The following SLC25A48 variants were observed in gnomAD, a reference collection of about 807,000 sequenced individuals.
The protein encoded by SLC25A48 is CTC-321K16.1.
In SLC25A48, 29 loss-of-function variants were observed where a neutral mutation model predicts 32.2. The observed-to-expected ratio is 0.90, with a 90% CI of 0.67 to 1.23. The LOEUF (loss-of-function observed/expected upper bound fraction) is 1.23. Ranked by LOEUF, SLC25A48 falls within the 50% of genes most tolerant of loss-of-function variation. The probability of loss-of-function intolerance (pLI) is 0.00; values close to 1 mark genes in which losing one functional copy is unlikely to be tolerated. For synonymous variants in SLC25A48, 164 were observed against 172.3 expected, an observed-to-expected ratio of 0.95 and a Z score of 0.38; for missense variants, 399 against 422.7, an observed-to-expected ratio of 0.94 and a Z score of 0.49.
intron 1 of SLC25A48, among the ~76,000 whole-genome samples, chr5:135,595,320 G>A (rs575102455): frequency 6.6e-6 from 1 of 152,260 alleles, no homozygotes; most frequent in East Asian, 1.9e-4. Context: ...CTGGAGTTGT[G>A]GGACATGGTG....
chr5:135,868,002 G>T (rs1761336485), intron 4 of SLC25A48, among the ~76,000 whole-genome samples: 1 of 152,196 alleles, frequency 6.6e-6, no homozygotes, highest in South Asian at 2.1e-4. Context: ...CTCCCTAACT[G>T]GGCTGTAAAC....
intron 3 of SLC25A48, among the ~76,000 whole-genome samples, chr5:135,733,218 T>G (rs148504035): frequency 0.01 from 1,533 of 152,274 alleles, 34 homozygotes; most frequent in African/African-American, 0.035. Flanking sequence ...GAAGATACTA[T>G]AGCATAGCCT....
chr5:135,781,831 C>T (rs75254026), intron 3 of SLC25A48, among the ~76,000 whole-genome samples: 2,040 of 115,194 alleles, frequency 0.018, 317 homozygotes, highest in African/African-American at 0.049. Flanking sequence ...TGATATTGTT[C>T]CCAATATTTA....
At chr5:135,879,837 A>C (rs1762330069) in intron 6 of SLC25A48, 131 bp from the exon 7 acceptor site, 1 of 1,315,846 alleles carries the variant, frequency 7.6e-7, no homozygotes, top group African/African-American at 1.5e-5. Flanking sequence ...CTCTGCCTGC[A>C]CAGGTCCTTT....
At chr5:135,832,447 A>C (rs926299091), upstream of SLC25A48, among the ~76,000 whole-genome samples, 1 of 152,116 alleles carries the variant, frequency 6.6e-6, no homozygotes, top group Admixed American at 6.5e-5. Flanking sequence ...TGGCAGGTGG[A>C]CATGGGGAGG....
At chr5:135,624,927 T>C (rs1752411259) in intron 1 of SLC25A48, among the ~76,000 whole-genome samples, 1 of 152,204 alleles carries the variant, frequency 6.6e-6, no homozygotes, top group South Asian at 2.1e-4. Context: ...GGTTTCCTTC[T>C]CTGTATGTGA....
At chr5:135,733,807 G>A (rs1488085664) in intron 3 of SLC25A48, among the ~76,000 whole-genome samples, 3 of 152,166 alleles carry the variant, frequency 2.0e-5, no homozygotes. Context: ...TTAAGGAATG[G>A]AAAGGGGAGT....
chr5:135,749,685 G>A (rs557315786), intron 3 of SLC25A48, among the ~76,000 whole-genome samples: 50 of 152,110 alleles, frequency 3.3e-4, no homozygotes, highest in African/African-American at 1.2e-3. Flanking sequence ...TCTGCCTCCC[G>A]GGTTCAAGCG....
intron 3 of SLC25A48, among the ~76,000 whole-genome samples, chr5:135,780,160 C>CT (rs34277772): frequency 0.076 from 2,948 of 38,782 alleles, 516 homozygotes; most frequent in Middle Eastern, 0.13. Context: ...GTTTCTTCGT[C>CT]TTTTTTTTTT....
chr5:135,655,525 G>A (rs1459152284), intron 3 of SLC25A48, among the ~76,000 whole-genome samples: 3 of 152,140 alleles, frequency 2.0e-5, no homozygotes, highest in Non-Finnish European at 1.5e-5. Context: ...TCCAGAGTTT[G>A]CCAAGAAAGT....
chr5:135,860,726 C>T (rs1320882971), intron 4 of SLC25A48, among the ~76,000 whole-genome samples: 2 of 152,162 alleles, frequency 1.3e-5, no homozygotes, highest in African/African-American at 4.8e-5. Flanking sequence ...GTTGACTGTG[C>T]TCATGTGGGC....
chr5:135,879,902 C>G, intron 6 of SLC25A48, 66 bp from the exon 7 acceptor site: 1 of 1,516,690 alleles, frequency 6.6e-7, no homozygotes, highest in Non-Finnish European at 8.8e-7. Flanking sequence ...TATTCTCTGC[C>G]CCTCCTTGGT....
chr5:135,644,193 A>G (rs928177570), intron 3 of SLC25A48, among the ~76,000 whole-genome samples: 1 of 152,084 alleles, frequency 6.6e-6, no homozygotes, highest in African/African-American at 2.4e-5. Flanking sequence ...GGGGAGAAAA[A>G]AAAAACCCAG....
At chr5:135,853,429 G>A (rs1432366791) in intron 4 of SLC25A48, among the ~76,000 whole-genome samples, 2 of 152,192 alleles carry the variant, frequency 1.3e-5, no homozygotes, top group African/African-American at 2.4e-5. Context: ...AAACCCTGAC[G>A]CTGCTTTATC....
intron 3 of SLC25A48, among the ~76,000 whole-genome samples, chr5:135,809,402 G>A (rs1369154172): frequency 1.3e-5 from 2 of 152,120 alleles, no homozygotes; most frequent in African/African-American, 4.8e-5. Flanking sequence ...ATAGTGTGCT[G>A]GATGCCAGGA....
chr5:135,859,396 T>A (rs1760601090), intron 4 of SLC25A48, among the ~76,000 whole-genome samples: 1 of 152,112 alleles, frequency 6.6e-6, no homozygotes, highest in South Asian at 2.1e-4. Context: ...CCCACCCCCA[T>A]GATTCAATTA....
chr5:135,879,776 C>T (rs1762325470), intron 6 of SLC25A48, among the ~76,000 whole-genome samples, 192 bp from the exon 7 acceptor site: 1 of 152,180 alleles, frequency 6.6e-6, no homozygotes, highest in Non-Finnish European at 1.5e-5. Context: ...AAAGCACCAC[C>T]AGGCATGACG....
chr5:135,763,680 CTT>C (rs2127019767), intron 3 of SLC25A48, among the ~76,000 whole-genome samples: 1 of 152,010 alleles, frequency 6.6e-6, no homozygotes, highest in African/African-American at 2.4e-5. Flanking sequence ...CTTGTCTAAA[CTT>C]TGTCTTTCTC....
chr5:135,755,848 A>G (rs1755889129), intron 3 of SLC25A48, among the ~76,000 whole-genome samples: 1 of 120,520 alleles, frequency 8.3e-6, no homozygotes, highest in African/African-American at 3.2e-5. Flanking sequence ...TGTAGTATTA[A>G]TGAAATATCG....
Sources: gnomAD v4.1 joint callset for allele counts (sites outside exome capture counted in the v4.1 genomes callset) on GRCh38, gnomAD v4.1.1 for gene constraint, MANE v1.5 for transcripts, NCBI Gene and HGNC (gene_info 2026-07-23, HGNC 2026-07-21) for gene names.